NCKAP5: variants seen among roughly 807,000 people sequenced by gnomAD.
The protein encoded by NCKAP5 is NCK associated protein 5.
NCKAP5 carries 92 observed loss-of-function variants against 167.0 expected under a neutral mutation model. The ratio of observed to expected loss-of-function variants is 0.55; its 90% CI spans 0.47 to 0.66. The LOEUF (loss-of-function observed/expected upper bound fraction) is 0.66, where lower values mean the gene tolerates loss of function less well. NCKAP5 is among the 30% of genes least tolerant of loss of function. The pLI, the probability that NCKAP5 is intolerant of heterozygous loss-of-function variation, is 0.00. For synonymous variants in NCKAP5, 891 were observed against 877.4 expected (o/e 1.02, Z -0.27); for missense variants, 2,378 against 2,315.0 (o/e 1.03, Z -0.56).
At position 133,474,154 on chromosome 2, in the gene NCKAP5, A is replaced by ATCTATCTATC. The variant is rs369130877; in HGVS notation, c.69+43303_69+43304insGATAGATAGA. 8.1e-4 allele frequency among the ~76,000 whole-genome samples: 110 copies of ATCTATCTATC among 135,366 alleles called. 1 individual carries two copies. The highest frequency in any genetic ancestry group is 3.7e-3 in the African/African-American group (100 of 26,758). 88.8% of individuals were successfully genotyped at this position (135,366 alleles called of 152,430 possible). A position where few individuals can be genotyped will look rare whatever the true frequency, so the allele number is the denominator to read the frequency against. Reference sequence around the variant, plus strand: ...TATCTATCTATCTATCTATCTATCTATACACACACACACACACACACACGT... The same window carrying ATCTATCTATC: ...TATCTATCTATCTATCTATCTATCTATCTATCTATCTACACACACACACACACACACACGT... On this transcript the variant is annotated intron_variant, in intron 3 of 19. Coordinates refer to ENST00000409261, the MANE Select transcript of NCKAP5 (RefSeq NM_207363.3).
intron 6 of NCKAP5, among the ~76,000 whole-genome samples, chr2:133,029,140 C>T (rs2078794651): frequency 6.6e-6 from 1 of 152,122 alleles, no homozygotes; most frequent in Non-Finnish European, 1.5e-5. Flanking sequence ...TACAGGTTCT[C>T]GGCTATGTCC....
intron 4 of NCKAP5, among the ~76,000 whole-genome samples, chr2:133,260,925 T>G (rs6728875): frequency 0.026 from 3,978 of 152,260 alleles, 156 homozygotes; most frequent in African/African-American, 0.086. Flanking sequence ...TGTGTGAAAC[T>G]TGATACAAAT....
At chr2:132,698,876 G>C (rs1432128710) in intron 19 of NCKAP5, among the ~76,000 whole-genome samples, 2 of 151,876 alleles carry the variant, frequency 1.3e-5, no homozygotes, top group African/African-American at 4.8e-5. Flanking sequence ...AGTGCAAATT[G>C]TAAGGCCCTA....
At chr2:133,234,528 A>G (rs563246438) in intron 4 of NCKAP5, among the ~76,000 whole-genome samples, 1 of 152,276 alleles carries the variant, frequency 6.6e-6, no homozygotes, top group Non-Finnish European at 1.5e-5. Flanking sequence ...CTCTTGGAAC[A>G]CTAATTCCAG....
chr2:132,817,699 AG>A (rs1245590975), intron 11 of NCKAP5, among the ~76,000 whole-genome samples: 6 of 152,270 alleles, frequency 3.9e-5, no homozygotes, highest in Non-Finnish European at 8.8e-5. Flanking sequence ...TGCCTCTGGT[AG>A]GGTTCCCAGC....
intron 6 of NCKAP5, among the ~76,000 whole-genome samples, chr2:133,103,298 T>C (rs2081577623): frequency 6.6e-6 from 1 of 152,178 alleles, no homozygotes; most frequent in Admixed American, 6.5e-5. Context: ...TGGTTAAGAA[T>C]GAAGGCTCTG....
intron 2 of NCKAP5, among the ~76,000 whole-genome samples, chr2:133,522,571 T>C (rs1313497011): frequency 3.3e-5 from 5 of 152,206 alleles, no homozygotes; most frequent in Admixed American, 6.5e-5. Context: ...GTATAACACC[T>C]AATGCATAGC....
At chr2:133,157,523 G>T (rs2083619531) in intron 5 of NCKAP5, among the ~76,000 whole-genome samples, 1 of 152,160 alleles carries the variant, frequency 6.6e-6, no homozygotes, top group African/African-American at 2.4e-5. Flanking sequence ...TCTGTGTTTT[G>T]ATTAATGGTT....
intron 10 of NCKAP5, among the ~76,000 whole-genome samples, chr2:132,861,551 C>T (rs375522773): frequency 3.3e-5 from 5 of 152,068 alleles, no homozygotes; most frequent in Non-Finnish European, 5.9e-5. Flanking sequence ...AAAGGTCTGG[C>T]GTGTTGTTCT....
At chr2:133,586,262 G>A in the NCKAP5 span, among the ~76,000 whole-genome samples, 1 of 152,072 alleles carries the variant, frequency 6.6e-6, no homozygotes, top group African/African-American at 2.4e-5. Flanking sequence ...GCCAACACAA[G>A]TCCACGTGAT....
intron 6 of NCKAP5, among the ~76,000 whole-genome samples, chr2:133,065,087 G>A (rs1459167605): frequency 1.3e-5 from 2 of 152,140 alleles, no homozygotes; most frequent in Non-Finnish European, 2.9e-5. Context: ...TTGATTGCCT[G>A]TAAGTTAGTA....
At chr2:133,085,842 A>T (rs1189923518) in intron 6 of NCKAP5, among the ~76,000 whole-genome samples, 1 of 152,136 alleles carries the variant, frequency 6.6e-6, no homozygotes, top group Non-Finnish European at 1.5e-5. Flanking sequence ...AACTAGAACC[A>T]GATGTCACTC....
At chr2:133,231,494 G>A (rs1213780804) in intron 4 of NCKAP5, among the ~76,000 whole-genome samples, 3 of 152,134 alleles carry the variant, frequency 2.0e-5, no homozygotes, top group Non-Finnish European at 4.4e-5. Flanking sequence ...GGTTGGAAGG[G>A]ATGAATCAGG....
intron 4 of NCKAP5, among the ~76,000 whole-genome samples, chr2:133,254,962 T>G (rs2088540621): frequency 6.6e-6 from 1 of 152,036 alleles, no homozygotes; most frequent in Non-Finnish European, 1.5e-5. Flanking sequence ...GTTAGGAGCC[T>G]GGAACTTGAA....
intron 3 of NCKAP5, among the ~76,000 whole-genome samples, chr2:133,361,226 T>C (rs1362026547): frequency 6.6e-6 from 1 of 152,176 alleles, no homozygotes; most frequent in Non-Finnish European, 1.5e-5. Context: ...TTTGGAATTC[T>C]GCATAGAAAG....
chr2:132,950,317 C>T (rs2076145336), intron 8 of NCKAP5, among the ~76,000 whole-genome samples: 1 of 152,068 alleles, frequency 6.6e-6, no homozygotes, highest in Non-Finnish European at 1.5e-5. Context: ...ATCTGGCTGG[C>T]ATCAAGAGGT....
At chr2:132,770,210 C>T (rs532404722) in intron 16 of NCKAP5, among the ~76,000 whole-genome samples, 32 of 152,074 alleles carry the variant, frequency 2.1e-4, no homozygotes, top group Non-Finnish European at 4.0e-4. Flanking sequence ...GTTCTTGTTA[C>T]AATACAAATA....
intron 8 of NCKAP5, among the ~76,000 whole-genome samples, chr2:132,901,114 C>T (rs533862713): frequency 2.0e-5 from 3 of 151,898 alleles, no homozygotes; most frequent in South Asian, 2.1e-4. Flanking sequence ...CTGATTGTTT[C>T]GATCACTTGT....
At chr2:133,508,327 T>C (rs1683199791) in intron 3 of NCKAP5, among the ~76,000 whole-genome samples, 1 of 152,184 alleles carries the variant, frequency 6.6e-6, no homozygotes, top group Admixed American at 6.5e-5. Context: ...GCCCTCCTCC[T>C]TGGGGAAGCC....
Sources: gnomAD v4.1 joint callset for allele counts (sites outside exome capture counted in the v4.1 genomes callset) on GRCh38, gnomAD v4.1.1 for gene constraint, MANE v1.5 for transcripts, NCBI Gene and HGNC (gene_info 2026-07-23, HGNC 2026-07-21) for gene names.